Variants in MELTF observed in about 807,000 individuals in gnomAD.
MELTF encodes antigen p97 (melanoma associated) identified by monoclonal antibodies 133.2 and 96.5.
Under a neutral mutation model 83.7 loss-of-function variants are expected in MELTF, and 67 were observed. The observed-to-expected ratio is 0.80, with a 90% CI of 0.66 to 0.98. The LOEUF (loss-of-function observed/expected upper bound fraction) is 0.98, where lower values mean the gene tolerates loss of function less well. MELTF is among the 50% of genes least tolerant of loss of function. The pLI, the probability that MELTF is intolerant of heterozygous loss-of-function variation, is 0.00. For missense variants in MELTF, 1,002 were observed against 1,035.6 expected (o/e 0.97, Z 0.44); for synonymous variants, 462 against 447.6 (o/e 1.03, Z -0.41).
rs1031353452 is a variant in MELTF at position 197,021,252 on chromosome 3, G to A, written c.712+152C>T. ...TTTGCAGCTGGGAGTGCTGAGGCTC[G>A]GAGACTGTGGGACTTGTCCAAGGTC... On this transcript the variant is annotated intron_variant, in intron 6 of 15. Transcript: ENST00000296350. 30 of 652,418 alleles carry A rather than the reference G, an allele frequency of 4.6e-5. 1 individual carries two copies. Among genetic ancestry groups the A allele is most frequent in the African/African-American group, 1.3e-4 (7 of 55,094 alleles). The allele number at this position is 652,418 out of a possible 1,614,324, so 40.4% of individuals were successfully genotyped here.
At position 197,008,591 on chromosome 3, in the gene MELTF, G is replaced by T; in HGVS notation, c.1750+66C>A. ...TGGCCCCAGCCCAGCATGGTGTCTGGATGGTGCTGAAGATGGGGAACAGTC... is the reference window on the plus strand; with the variant it reads ...TGGCCCCAGCCCAGCATGGTGTCTGTATGGTGCTGAAGATGGGGAACAGTC... On this transcript the variant is annotated intron_variant, in intron 13 of 15. Transcript: ENST00000296350. The surrounding 1 kb of genome is among the most constrained non-coding windows in gnomAD (Gnocchi z 5.4). 1 of 1,533,914 alleles carries T rather than the reference G, an allele frequency of 6.5e-7. No individual in the cohort carries two copies. Among genetic ancestry groups the T allele is most frequent in the Non-Finnish European group, 8.9e-7 (1 of 1,121,098 alleles).
chr3:197,019,089 C>G (rs765849441), intron 6 of MELTF: 3 of 985,514 alleles, frequency 3.0e-6, no homozygotes, highest in Non-Finnish European at 3.6e-6. Context: ...ACCAAACACC[C>G]GCACCAGAGT....
At chr3:197,016,394 G>C (rs1719375899) in intron 7 of MELTF, 25 bp from the exon 8 acceptor site, 1 of 1,487,674 alleles carries the variant, frequency 6.7e-7, no homozygotes, top group Non-Finnish European at 9.0e-7. Flanking sequence ...GTGTGGTACA[G>C]GGTGGTGAGG....
At chr3:197,026,255 A>G (rs763221138) in intron 3 of MELTF, 10 of 194,400 alleles carry the variant, frequency 5.1e-5, no homozygotes, top group Non-Finnish European at 1.1e-4. Flanking sequence ...TGCCGCTGCC[A>G]GACAGCACCT....
At chr3:197,010,407 G>A (rs1719144863) in intron 10 of MELTF, among the ~76,000 whole-genome samples, 1 of 152,256 alleles carries the variant, frequency 6.6e-6, no homozygotes, top group South Asian at 2.1e-4. Flanking sequence ...GCTAAGAATG[G>A]TTTTTATATT....
In MELTF at chr3:197,008,849, T is replaced by G. The variant is rs1257459215; in HGVS notation, c.1642A>C (p.Asn548His). The change falls in exon 12 of 16, where the codon AAC becomes CAC. Residue 548 changes from asparagine (N) to histidine (H), a missense_variant. By Grantham distance (68) the Asn-to-His change is moderately conservative (BLOSUM62 1). Transcript: ENST00000296350. This position sits in a 1 kb window ranked among gnomAD's most constrained non-coding sequence, Gnocchi z 5.4. The stretch of plus-strand genomic sequence containing the variant: ...TAGCCGTAATACCGCTCCTGGCTGT[T>G]GCCCACACACTTGTTGCGGCCCTGC... Reference protein sequence around the residue: ...DEQGRNKCVGNSQERYYGYRG... With the variant: ...DEQGRNKCVGHSQERYYGYRG... The G allele has an allele frequency of 1.2e-6, 2 of 1,614,194 alleles. No individual in the cohort carries two copies. Among genetic ancestry groups the G allele is most frequent in the East Asian group, 2.2e-5 (1 of 44,888 alleles).
Position 197,029,772 on chromosome 3 carries a change from G to A in MELTF, c.-70C>T. The A allele has an allele frequency of 4.7e-6, 5 of 1,063,996 alleles. No homozygotes were observed. The highest frequency in any genetic ancestry group is 6.0e-6 in the Non-Finnish European group (5 of 835,408). 65.9% of individuals were successfully genotyped at this position (1,063,996 alleles called of 1,614,324 possible). ...GTCCGAGGAGGTCCGCAGCAGCCGG[G>A]CTTCCTCCCTGCTCCCCCTCGCGCT... is the stretch of plus-strand genomic sequence containing the variant. On this transcript the variant is annotated 5_prime_UTR_variant, in exon 1 of 16. Coordinates refer to ENST00000296350, the MANE Select transcript of MELTF (RefSeq NM_005929.6). The surrounding 1 kb of genome is among the most constrained non-coding windows in gnomAD (Gnocchi z 6.5).
intron 6 of MELTF, 106 bp from the exon 7 acceptor site, chr3:197,017,396 A>G: frequency 9.5e-7 from 1 of 1,050,156 alleles, no homozygotes; most frequent in Non-Finnish European, 1.4e-6. Context: ...TGTCATGGAC[A>G]TGAGAACCCA....
At position 197,008,611 on chromosome 3, in the gene MELTF, ACAGTCCCC is replaced by A. The variant is rs1455883187; in HGVS notation, c.1750+38_1750+45del. 2 of 1,580,536 alleles carry A rather than the reference ACAGTCCCC, an allele frequency of 1.3e-6. No homozygotes were observed. Among genetic ancestry groups the A allele is most frequent in the Admixed American group, 3.4e-5 (2 of 58,662 alleles). On this transcript the variant is annotated intron_variant, in intron 13 of 15. Transcript: ENST00000296350. The surrounding 1 kb of genome is among the most constrained non-coding windows in gnomAD (Gnocchi z 5.4). ...GTCTGGATGGTGCTGAAGATGGGGA[ACAGTCCCC>A]CCGACCTACCTTTGGCCCTGCTCTT...
intron 14 of MELTF, among the ~76,000 whole-genome samples, chr3:197,005,949 A>C (rs1414490434): frequency 6.7e-6 from 1 of 150,064 alleles, no homozygotes; most frequent in East Asian, 1.9e-4. Context: ...GGCCGGGCAC[A>C]GTGGCTCATG....
chr3:197,006,637 C>G lies in MELTF; in HGVS notation c.1850G>C (p.Cys617Ser). Reference protein sequence around the residue: ...ARAEVSQFAACNLAQIPPHAV... With the variant: ...ARAEVSQFAASNLAQIPPHAV... Reference sequence around the variant, plus strand: ...GTGGGGTGGTATCTGTGCCAGGTTGCAGGCTGCAAACTGGGACACCTCGGC... The same window carrying G: ...GTGGGGTGGTATCTGTGCCAGGTTGGAGGCTGCAAACTGGGACACCTCGGC... Residue 617 changes from cysteine (C) to serine (S), a missense_variant, in exon 14 of 16, where the codon TGC (cysteine) becomes TCC (serine). By Grantham distance (112) the Cys-to-Ser change is moderately radical (BLOSUM62 -1). Coordinates refer to ENST00000296350, the MANE Select transcript of MELTF (RefSeq NM_005929.6). The surrounding 1 kb of genome is among the most constrained non-coding windows in gnomAD (Gnocchi z 5.4). The G allele has an allele frequency of 1.9e-6, 3 of 1,611,508 alleles. No homozygotes were observed. The highest frequency in any genetic ancestry group is 2.5e-6 in the Non-Finnish European group (3 of 1,178,762).
At chr3:197,026,365 C>T (rs925943409) in intron 3 of MELTF, 8 of 390,030 alleles carry the variant, frequency 2.1e-5, no homozygotes, top group Non-Finnish European at 2.9e-5. Flanking sequence ...CACACAGCAC[C>T]GTGCCCGGCA....
rs541992866 is a variant in MELTF at position 197,022,816 on chromosome 3, T to C, written c.644+141A>G. The C allele has an allele frequency of 6.4e-6, 5 of 785,584 alleles. No homozygotes were observed. In the South Asian group the frequency reaches 6.8e-5, roughly 11 times the overall value. 48.7% of individuals were successfully genotyped at this position (785,584 alleles called of 1,614,324 possible). ...TTAAACTAACCAGGGCACAGAACTA[T>C]ATAAAGGGTGCTTTGATGAGACGCA... On this transcript the variant is annotated intron_variant, in intron 5 of 15. Coordinates refer to ENST00000296350, the MANE Select transcript of MELTF (RefSeq NM_005929.6). This position sits in a 1 kb window ranked among gnomAD's most constrained non-coding sequence, Gnocchi z 5.1.
chr3:197,003,715 G>T lies in MELTF; in HGVS notation c.2137+186C>A. The T allele has an allele frequency of 1.4e-6, 1 of 717,816 alleles. No individual in the cohort carries two copies. The highest frequency in any genetic ancestry group is 2.3e-6 in the Non-Finnish European group (1 of 444,264). 44.5% of individuals were successfully genotyped at this position (717,816 alleles called of 1,614,324 possible). On this transcript the variant is annotated intron_variant, in intron 15 of 15. Transcript: ENST00000296350. This position sits in a 1 kb window ranked among gnomAD's most constrained non-coding sequence, Gnocchi z 6.2. ...TTACCCAGGTCCGTCTGGGAGACCC[G>T]CCGGGCTCCCGCCCTCCCGGCCCGC...
At chr3:197,019,700 G>A in intron 6 of MELTF, 3 of 1,613,980 alleles carry the variant, frequency 1.9e-6, no homozygotes, top group Non-Finnish European at 2.5e-6. Flanking sequence ...TTCCAGGCTT[G>A]CCCAGCACTA....
Position 197,017,160 on chromosome 3 carries a change from C to T in MELTF, c.843G>A (p.Val281=). The change falls in exon 7 of 16, where the codon GTG becomes GTA. Residue 281 remains valine (V), a synonymous_variant. Coordinates refer to ENST00000296350, the MANE Select transcript of MELTF (RefSeq NM_005929.6). ...CHLARVPAHA[V]VVRADTDGGL... is the part of the protein sequence containing the mutation. ...CCCCATCTGTGTCGGCCCGGACCAC[C>T]ACGGCGTGAGCAGGCACCCGGGCCA... 1 of 1,611,490 alleles carries T rather than the reference C, an allele frequency of 6.2e-7. No individual in the cohort carries two copies. The highest frequency in any genetic ancestry group is 1.1e-5 in the South Asian group (1 of 90,244).
Position 197,008,418 on chromosome 3 carries a change from G to A in MELTF, c.1750+239C>T, listed in dbSNP as rs972500844. On this transcript the variant is annotated intron_variant, in intron 13 of 15. Transcript: ENST00000296350. The surrounding 1 kb of genome is among the most constrained non-coding windows in gnomAD (Gnocchi z 5.4). Reference sequence around the variant, plus strand: ...AGTTTCTACCGTTTCGGTGGATTAGGGACTTGAATTCCAGGCCAGTAAAAA... The same window carrying A: ...AGTTTCTACCGTTTCGGTGGATTAGAGACTTGAATTCCAGGCCAGTAAAAA... Among the ~76,000 whole-genome samples, 6 of 152,248 alleles carry A rather than the reference G, an allele frequency of 3.9e-5. No individual in the cohort carries two copies. Among genetic ancestry groups the A allele is most frequent in the African/African-American group, 7.2e-5 (3 of 41,544 alleles).
rs1368578676 is a variant in MELTF, at chr3:197,009,717, A to G, written c.1426T>C (p.Cys476Arg). Residue 476 changes from cysteine to arginine, a missense_variant, in exon 11 of 16, where the codon TGC becomes CGC. Coordinates refer to ENST00000296350, the MANE Select transcript of MELTF (RefSeq NM_005929.6). Reference sequence around the variant, plus strand: ...GCAGGGCTGCCGAAACCGGCGTGGCAGGAGCGCTTGCCCCGAAGCTCATCC... The same window carrying G: ...GCAGGGCTGCCGAAACCGGCGTGGCGGGAGCGCTTGCCCCGAAGCTCATCC... ...TLDELRGKRS[C>R]HAGFGSPAGW... The G allele has an allele frequency of 4.3e-6, 7 of 1,613,684 alleles. No homozygotes were observed. Among genetic ancestry groups the G allele is most frequent in the Non-Finnish European group, 5.9e-6 (7 of 1,180,040 alleles).
At chr3:197,023,142 A>G in intron 4 of MELTF, 29 bp from the exon 5 acceptor site, 1 of 1,612,540 alleles carries the variant, frequency 6.2e-7, no homozygotes, top group Non-Finnish European at 8.5e-7. Flanking sequence ...GAGGTCACTC[A>G]GCAGAACTTT....
Sources: allele counts gnomAD v4.1 joint callset (sites outside exome capture counted in the v4.1 genomes callset), GRCh38; gene constraint gnomAD v4.1.1; non-coding constraint Gnocchi (gnomAD v3.1); transcripts MANE v1.5; gene names NCBI Gene and HGNC (gene_info 2026-07-23, HGNC 2026-07-21).